The following DNAH11 variants were observed in gnomAD, a reference collection of about 807,000 sequenced individuals.
DNAH11 encodes dynein axonemal heavy chain 11.
In DNAH11, 442 loss-of-function variants were observed where a neutral mutation model predicts 526.0. The observed-to-expected ratio is 0.84, with a 90% CI of 0.78 to 0.91. The LOEUF (loss-of-function observed/expected upper bound fraction) is 0.91. Ranked by LOEUF, DNAH11 falls within the 40% of genes least tolerant of loss-of-function variation. DNAH11 has a pLI of 0.00. For missense variants in DNAH11, 6,989 were observed against 5,448.7 expected (o/e 1.28, Z -8.90); for synonymous variants, 2,461 against 1,935.9 (o/e 1.27, Z -7.12).
intron 56 of DNAH11, among the ~76,000 whole-genome samples, chr7:21,777,136 T>G (rs1211597261): frequency 1.3e-5 from 2 of 152,192 alleles, no homozygotes; most frequent in African/African-American, 4.8e-5. Flanking sequence ...CACTAATCTA[T>G]TCTCCATTTC....
chr7:21,831,946 C>T (rs896484178), intron 65 of DNAH11, among the ~76,000 whole-genome samples: 1 of 149,132 alleles, frequency 6.7e-6, no homozygotes, highest in African/African-American at 2.6e-5. Flanking sequence ...AAAAATTAGC[C>T]AGGTGTGGTG....
At chr7:21,710,308 T>C (rs374537763) in intron 40 of DNAH11, among the ~76,000 whole-genome samples, 4 of 152,182 alleles carry the variant, frequency 2.6e-5, no homozygotes, top group Non-Finnish European at 4.4e-5. Context: ...GTTTTTGTTA[T>C]CTCTGTTTGG....
At chr7:21,764,768 G>C (rs1787098069) in intron 54 of DNAH11, among the ~76,000 whole-genome samples, 1 of 152,152 alleles carries the variant, frequency 6.6e-6, no homozygotes. Flanking sequence ...AGTATATTTA[G>C]ATTTAAATTA....
At chr7:21,681,762 T>C (rs915498925) in intron 31 of DNAH11, 85 bp downstream of exon 31, 4 of 1,541,554 alleles carry the variant, frequency 2.6e-6, no homozygotes, top group African/African-American at 2.7e-5. Context: ...AGAAAGTCGT[T>C]GTTTTTTTGA....
At chr7:21,734,569 C>G (rs1785523228) in intron 45 of DNAH11, among the ~76,000 whole-genome samples, 1 of 152,146 alleles carries the variant, frequency 6.6e-6, no homozygotes, top group Non-Finnish European at 1.5e-5. Context: ...ATAAAATATT[C>G]AGTTGAGTCA....
intron 25 of DNAH11, among the ~76,000 whole-genome samples, chr7:21,628,086 A>T (rs1055293607): frequency 1.5e-4 from 23 of 151,772 alleles, no homozygotes; most frequent in Non-Finnish European, 2.8e-4. Context: ...TCTTTTTTCA[A>T]ATGTTTTCTG....
intron 36 of DNAH11, among the ~76,000 whole-genome samples, chr7:21,699,308 C>G (rs571892679): frequency 4.5e-4 from 69 of 152,228 alleles, no homozygotes; most frequent in African/African-American, 1.6e-3. Flanking sequence ...CTCTACTCTC[C>G]AATCATAAGC....
chr7:21,776,437 G>C (rs1787675205), intron 56 of DNAH11, among the ~76,000 whole-genome samples: 1 of 152,208 alleles, frequency 6.6e-6, no homozygotes, highest in South Asian at 2.1e-4. Context: ...AGGTTGTATG[G>C]AGAGCGTAAT....
chr7:21,557,459 A>G (rs1273651615), intron 2 of DNAH11, among the ~76,000 whole-genome samples: 1 of 152,152 alleles, frequency 6.6e-6, no homozygotes, highest in Non-Finnish European at 1.5e-5. Flanking sequence ...AGGCTGCTTC[A>G]TGGTTTGTAG....
At chr7:21,616,660 G>C (rs1273005454) in intron 22 of DNAH11, among the ~76,000 whole-genome samples, 1 of 152,058 alleles carries the variant, frequency 6.6e-6, no homozygotes, top group African/African-American at 2.4e-5. Context: ...GTACCTTTTG[G>C]CTCTGGAATT....
At chr7:21,629,083 A>G (rs1048479969) in intron 25 of DNAH11, among the ~76,000 whole-genome samples, 4 of 151,998 alleles carry the variant, frequency 2.6e-5, no homozygotes, top group Admixed American at 6.6e-5. Flanking sequence ...ACTGTATCAC[A>G]TAGATTTTGA....
rs946243437 is a variant in DNAH11 at position 21,683,631 on chromosome 7, C to A, written c.5461-153C>A. Among the ~76,000 whole-genome samples, 8 of 152,154 alleles carry A rather than the reference C, an allele frequency of 5.3e-5. No individual in the cohort carries two copies. In the South Asian group the frequency reaches 1.7e-3, roughly 32 times the overall value. On this transcript the variant is annotated intron_variant, in intron 31 of 81. Transcript: ENST00000409508. ...CGCATATTTCTTATTAAGTATTTAA[C>A]CATGTATATGCTATTATAATTTGCA...
At chr7:21,680,796 CA>C (rs2128472129) in intron 30 of DNAH11, among the ~76,000 whole-genome samples, 1 of 152,188 alleles carries the variant, frequency 6.6e-6, no homozygotes, top group East Asian at 1.9e-4. Flanking sequence ...CAGTAGTCAT[CA>C]CTATCTTGTA....
intron 25 of DNAH11, among the ~76,000 whole-genome samples, chr7:21,631,545 A>G (rs1054108359): frequency 1.3e-5 from 2 of 152,210 alleles, no homozygotes. Flanking sequence ...AGCCATTCCA[A>G]ATGGGAGAAA....
In DNAH11 at chr7:21,798,133, G is replaced by A. The variant is rs115867636; in HGVS notation, c.10027-3004G>A. Among the ~76,000 whole-genome samples, 604 of 152,274 alleles carry A rather than the reference G, an allele frequency of 4.0e-3. 2 individuals carry two copies. Among genetic ancestry groups the A allele is most frequent in the African/African-American group, 0.013 (542 of 41,552 alleles). ...CATTCATTTGAGACAGTGTCATTCC[G>A]TCACCCAGGTTGGAGTGCAGTGGCA... On this transcript the variant is annotated intron_variant, in intron 61 of 81. Coordinates refer to ENST00000409508, the MANE Select transcript of DNAH11 (RefSeq NM_001277115.2).
intron 2 of DNAH11, among the ~76,000 whole-genome samples, 163 bp from the exon 3 acceptor site, chr7:21,558,639 A>T (rs570747255): frequency 1.7e-3 from 259 of 152,322 alleles, no homozygotes; most frequent in African/African-American, 6.0e-3. Flanking sequence ...TGTCTAATTG[A>T]TTAAATCTAA....
chr7:21,680,173 G>A (rs1451947949), intron 30 of DNAH11, among the ~76,000 whole-genome samples: 1 of 152,096 alleles, frequency 6.6e-6, no homozygotes, highest in East Asian at 1.9e-4. Flanking sequence ...AAGTTTGCAG[G>A]GTTTCGCATT....
chr7:21,767,218 G>A (rs769737619), intron 55 of DNAH11, among the ~76,000 whole-genome samples: 1 of 152,148 alleles, frequency 6.6e-6, no homozygotes, highest in Non-Finnish European at 1.5e-5. Context: ...TCTTCTGATA[G>A]CAAATTTGTG....
intron 25 of DNAH11, among the ~76,000 whole-genome samples, chr7:21,623,819 G>A (rs910101508): frequency 5.3e-5 from 8 of 150,428 alleles, no homozygotes; most frequent in African/African-American, 1.7e-4. Context: ...CTGTTGTGGG[G>A]TGGGGGGAGG....
Sources: gnomAD v4.1 joint callset for allele counts (sites outside exome capture counted in the v4.1 genomes callset) on GRCh38, gnomAD v4.1.1 for gene constraint, MANE v1.5 for transcripts, NCBI Gene and HGNC (gene_info 2026-07-23, HGNC 2026-07-21) for gene names.